Variants in GNG5B observed in about 807,000 individuals in gnomAD.
The protein encoded by GNG5B is G protein subunit gamma 5B.
At chrX:110,346,778 T>A in the GNG5B span, 1 of 754,600 alleles carries the variant, frequency 1.3e-6, no homozygotes, top group South Asian at 2.1e-5. Context: ...GAGGGTCATG[T>A]TGAGCATTCT....
the GNG5B span, chrX:110,346,832 T>G: frequency 1.5e-6 from 1 of 679,543 alleles, no homozygotes; most frequent in African/African-American, 2.1e-5. Flanking sequence ...GGGAAACTTT[T>G]ACGCTGTTGA....
chrX:110,346,926 G>T, the GNG5B span: 4 of 547,893 alleles, frequency 7.3e-6, no homozygotes, highest in Non-Finnish European at 1.3e-5. Flanking sequence ...CGCGGGGGCC[G>T]GGCCGATTCG....
chrX:110,346,908 A>G, the GNG5B span: 6 of 585,630 alleles, frequency 1.0e-5, no homozygotes, highest in South Asian at 9.3e-5. Flanking sequence ...GAAGCCAGAC[A>G]TGGTGAACGC....
the GNG5B span, chrX:110,346,732 T>C: frequency 5.7e-4 from 469 of 828,738 alleles, 1 homozygote; most frequent in African/African-American, 8.5e-3. Flanking sequence ...TTCTGGGGTC[T>C]GAAGGGATTT....
At chrX:110,346,700 G>A in the GNG5B span, 3 of 750,779 alleles carry the variant, frequency 4.0e-6, no homozygotes, top group South Asian at 6.3e-5. Flanking sequence ...AAGATTCATT[G>A]TACTACAAAA....
chrX:110,346,519 C>G, the GNG5B span, among the ~76,000 whole-genome samples: 1 of 112,089 alleles, frequency 8.9e-6, no homozygotes, highest in South Asian at 3.7e-4. Flanking sequence ...AACAATTACC[C>G]TTGTGAAGTA....
At chrX:110,346,943 G>C in the GNG5B span, 4 of 531,600 alleles carry the variant, frequency 7.5e-6, no homozygotes, top group Non-Finnish European at 1.4e-5. Context: ...TTCGTGGGTC[G>C]GTGGGTCGTG....
At chrX:110,346,855 G>C in the GNG5B span, 1 of 653,083 alleles carries the variant, frequency 1.5e-6, no homozygotes, top group Non-Finnish European at 2.6e-6. Context: ...CCGGCCTCCA[G>C]CTGGAGCTGT....
chrX:110,346,613 A>C, the GNG5B span: 1 of 515,021 alleles, frequency 1.9e-6, no homozygotes, highest in East Asian at 3.5e-5. Context: ...TTACAGGGAT[A>C]AGCTTTTGTA....
chrX:110,346,599 T>C, the GNG5B span: 16 of 490,669 alleles, frequency 3.3e-5, no homozygotes, highest in Non-Finnish European at 5.9e-5. Context: ...TTACAGCACA[T>C]GTGTTACAGG....
At chrX:110,346,925 C>T in the GNG5B span, 1 of 548,578 alleles carries the variant, frequency 1.8e-6, no homozygotes. Flanking sequence ...ACGCGGGGGC[C>T]GGGCCGATTC....
the GNG5B span, chrX:110,346,844 C>T: frequency 1.5e-6 from 1 of 658,835 alleles, no homozygotes; most frequent in Non-Finnish European, 2.6e-6. Flanking sequence ...CGCTGTTGAG[C>T]CCGGCCTCCA....
At chrX:110,346,624 C>T in the GNG5B span, 3 of 530,975 alleles carry the variant, frequency 5.6e-6, no homozygotes, top group Non-Finnish European at 1.0e-5. Context: ...AGCTTTTGTA[C>T]AGGCTTCAAA....
the GNG5B span, chrX:110,346,605 A>C: frequency 2.0e-6 from 1 of 504,646 alleles, no homozygotes; most frequent in Non-Finnish European, 3.6e-6. Flanking sequence ...CACATGTGTT[A>C]CAGGGATAAG....
the GNG5B span, chrX:110,346,950 C>G: frequency 3.8e-6 from 2 of 521,348 alleles, no homozygotes; most frequent in South Asian, 5.0e-5. Context: ...GTCGGTGGGT[C>G]GTGGGCCGTG....
the GNG5B span, chrX:110,346,556 T>A: frequency 2.3e-6 from 1 of 431,146 alleles, no homozygotes; most frequent in Non-Finnish European, 4.2e-6. Flanking sequence ...CAGAGGTAGA[T>A]GTTAAGGACA....
At chrX:110,346,871 C>T in the GNG5B span, 1 of 640,370 alleles carries the variant, frequency 1.6e-6, no homozygotes, top group Admixed American at 2.2e-5. Flanking sequence ...GCTGTTGAAC[C>T]ACTTTCTTCG....
At chrX:110,346,699 T>G in the GNG5B span, 1 of 747,806 alleles carries the variant, frequency 1.3e-6, no homozygotes, top group East Asian at 3.2e-5. Flanking sequence ...AAAGATTCAT[T>G]GTACTACAAA....
the GNG5B span, chrX:110,346,758 C>G: frequency 2.5e-6 from 2 of 803,140 alleles, no homozygotes; most frequent in African/African-American, 4.0e-5. Context: ...TGAAGATACT[C>G]CAGTCAGCAG....
Sources: gnomAD v4.1 joint callset for allele counts (sites outside exome capture counted in the v4.1 genomes callset) on GRCh38, gnomAD v4.1.1 for gene constraint, MANE v1.5 for transcripts, NCBI Gene and HGNC (gene_info 2026-07-23, HGNC 2026-07-21) for gene names.